The following DCAF1 variants were observed in gnomAD, a reference collection of about 807,000 sequenced individuals.
DCAF1 encodes DDB1 and CUL4 associated factor 1.
A neutral mutation model predicts 128.0 loss-of-function variants in DCAF1; 15 were observed. The ratio of observed to expected loss-of-function variants is 0.12; its 90% CI spans 0.08 to 0.18. The LOEUF is 0.18. Ranked by LOEUF, DCAF1 falls within the 10% of genes least tolerant of loss-of-function variation. The pLI, the probability that DCAF1 is intolerant of heterozygous loss-of-function variation, is 1.00. For missense variants in DCAF1, 988 were observed against 1,649.5 expected (o/e 0.60, Z 6.95); for synonymous variants, 610 against 603.0 (o/e 1.01, Z -0.17).
intron 23 of DCAF1, among the ~76,000 whole-genome samples, chr3:51,409,605 T>C (rs1377789185): frequency 6.6e-6 from 1 of 152,220 alleles, no homozygotes; most frequent in East Asian, 1.9e-4. Context: ...TACTTGGTAG[T>C]GATGAATAAA....
chr3:51,468,040 C>A (rs1704322532), intron 4 of DCAF1, among the ~76,000 whole-genome samples: 1 of 152,158 alleles, frequency 6.6e-6, no homozygotes, highest in Non-Finnish European at 1.5e-5. Flanking sequence ...CAATCACTAA[C>A]CCTAAAGATA....
intron 3 of DCAF1, among the ~76,000 whole-genome samples, chr3:51,475,734 G>C (rs1286354655): frequency 6.6e-6 from 1 of 152,276 alleles, no homozygotes; most frequent in East Asian, 1.9e-4. Context: ...GGTGGCAGGC[G>C]CCTGTAGTCC....
chr3:51,468,392 G>A (rs1704366996), intron 4 of DCAF1, among the ~76,000 whole-genome samples: 1 of 151,986 alleles, frequency 6.6e-6, no homozygotes, highest in Non-Finnish European at 1.5e-5. Context: ...AGCTGGTCTC[G>A]AACTCCTGAC....
chr3:51,450,031 G>C (rs1357794442), intron 6 of DCAF1, among the ~76,000 whole-genome samples: 1 of 152,142 alleles, frequency 6.6e-6, no homozygotes, highest in Non-Finnish European at 1.5e-5. Flanking sequence ...GACTTCACTA[G>C]TAAATTCTAC....
At chr3:51,488,916 G>A (rs56239081) in intron 2 of DCAF1, among the ~76,000 whole-genome samples, 11,209 of 152,158 alleles carry the variant, frequency 0.074, 973 homozygotes, top group East Asian at 0.33. Flanking sequence ...AGTAAGCCAA[G>A]ATAGCACCAC....
At chr3:51,457,612 CA>C (rs1553643232) in intron 6 of DCAF1, among the ~76,000 whole-genome samples, 2 of 152,148 alleles carry the variant, frequency 1.3e-5, no homozygotes, top group Admixed American at 6.5e-5. Context: ...ACATAATTGT[CA>C]GATTCACCAA....
chr3:51,473,015 G>A (rs1458081276), intron 3 of DCAF1, among the ~76,000 whole-genome samples: 2 of 150,308 alleles, frequency 1.3e-5, no homozygotes, highest in African/African-American at 4.9e-5. Flanking sequence ...AGTGGCTCAT[G>A]CCTGTAATCC....
At chr3:51,408,185 T>C (rs1223134531) in intron 23 of DCAF1, among the ~76,000 whole-genome samples, 1 of 152,168 alleles carries the variant, frequency 6.6e-6, no homozygotes, top group Non-Finnish European at 1.5e-5. Flanking sequence ...TAGCTGTACC[T>C]TTCATCCTTT....
chr3:51,444,118 T>C (rs1701619795), intron 6 of DCAF1, among the ~76,000 whole-genome samples: 2 of 152,100 alleles, frequency 1.3e-5, no homozygotes, highest in Admixed American at 6.6e-5. Flanking sequence ...GCTATCTCTT[T>C]TAGGTCTTTG....
chr3:51,426,086 TG>T (rs1699885536), intron 13 of DCAF1, among the ~76,000 whole-genome samples: 1 of 152,188 alleles, frequency 6.6e-6, no homozygotes, highest in South Asian at 2.1e-4. Context: ...AGAGATGATG[TG>T]ATGTCACAAA....
rs1704179074 is a variant in DCAF1, at chr3:51,466,887, A to C, written c.188-11T>G. 6.2e-7 allele frequency: 1 copy of C among 1,613,424 alleles called. No homozygotes were observed. Among genetic ancestry groups the C allele is most frequent in the South Asian group, 1.1e-5 (1 of 91,052 alleles). Reference sequence around the variant, plus strand: ...CTGGATCAGCTCGACCTACCAAGAGAAGAGGGGAGGAACAAACAAAGGAAT... The same window carrying C: ...CTGGATCAGCTCGACCTACCAAGAGCAGAGGGGAGGAACAAACAAAGGAAT... On this transcript the variant is annotated splice_polypyrimidine_tract_variant and intron_variant, in intron 4 of 24. Coordinates refer to ENST00000684031, the MANE Select transcript of DCAF1 (RefSeq NM_001387579.1).
At chr3:51,467,789 T>C (rs1160669934) in intron 4 of DCAF1, among the ~76,000 whole-genome samples, 1 of 152,094 alleles carries the variant, frequency 6.6e-6, no homozygotes, top group Non-Finnish European at 1.5e-5. Flanking sequence ...TAGATCCAGA[T>C]GAGCATCACC....
chr3:51,441,731 T>C lies in DCAF1; in HGVS notation c.680A>G (p.Asp227Gly), dbSNP rs782354053. The change falls in exon 8 of 25, where the codon GAT becomes GGT. Residue 227 changes from aspartate (D) to glycine (G), a missense_variant. Asp to Gly is a moderately conservative substitution (Grantham distance 94). Transcript: ENST00000684031. Reference sequence around the variant, plus strand: ...TCCAGAAGCTTCCTCTTGGTCTCCATCCACTACATCTACAGCCATGTCACC... The same window carrying C: ...TCCAGAAGCTTCCTCTTGGTCTCCACCCACTACATCTACAGCCATGTCACC... ...DYGDMAVDVV[D>G]GDQEEASGDM... The C allele has an allele frequency of 1.2e-6, 2 of 1,613,958 alleles. No homozygotes were observed. Among genetic ancestry groups the C allele is most frequent in the Non-Finnish European group, 1.7e-6 (2 of 1,179,888 alleles).
At chr3:51,428,101 C>T (rs1700055161) in intron 12 of DCAF1, among the ~76,000 whole-genome samples, 1 of 152,074 alleles carries the variant, frequency 6.6e-6, no homozygotes, top group South Asian at 2.1e-4. Context: ...TATGATTTGT[C>T]CAAAAAGATA....
chr3:51,479,805 A>T (rs527384742), intron 3 of DCAF1, among the ~76,000 whole-genome samples: 63 of 152,246 alleles, frequency 4.1e-4, no homozygotes, highest in Middle Eastern at 3.4e-3. Context: ...CAAAAAATAA[A>T]ATAAAATAAA....
intron 21 of DCAF1, 86 bp from the exon 22 acceptor site, chr3:51,413,152 T>C: frequency 6.3e-7 from 1 of 1,577,608 alleles, no homozygotes; most frequent in Non-Finnish European, 8.6e-7. Context: ...TTCAGGATGA[T>C]TGCTCAAAAG....
chr3:51,478,242 C>T (rs1705724007), intron 3 of DCAF1, among the ~76,000 whole-genome samples: 1 of 152,064 alleles, frequency 6.6e-6, no homozygotes, highest in Admixed American at 6.6e-5. Flanking sequence ...TGAGCTCAAG[C>T]AATTCACCTG....
At chr3:51,453,332 T>A (rs1553641916) in intron 6 of DCAF1, among the ~76,000 whole-genome samples, 3 of 152,036 alleles carry the variant, frequency 2.0e-5, no homozygotes, top group Non-Finnish European at 4.4e-5. Context: ...CACTTAACTA[T>A]AATAAGACTT....
rs933105699 is a variant in DCAF1, at chr3:51,414,608, T to G, written c.3837+16A>C. On this transcript the variant is annotated intron_variant, in intron 19 of 24. Transcript: ENST00000684031. ...CAGACAACAAATGGAAGGTAAGACATGAGTATAAAGGATACAATCTCAGTA... is the reference window on the plus strand; with the variant it reads ...CAGACAACAAATGGAAGGTAAGACAGGAGTATAAAGGATACAATCTCAGTA... 29 of 1,606,388 alleles carry G rather than the reference T, an allele frequency of 1.8e-5. No homozygotes were observed. The highest frequency in any genetic ancestry group is 2.3e-5 in the Non-Finnish European group (27 of 1,173,828).
Sources: gnomAD v4.1 joint callset for allele counts (sites outside exome capture counted in the v4.1 genomes callset) on GRCh38, gnomAD v4.1.1 for gene constraint, MANE v1.5 for transcripts, NCBI Gene and HGNC (gene_info 2026-07-23, HGNC 2026-07-21) for gene names.